MAGI2: variants seen among roughly 807,000 people sequenced by gnomAD.
MAGI2 encodes membrane-associated guanylate kinase, WW and PDZ domain-containing protein 2.
In MAGI2, 35 loss-of-function variants were observed where a neutral mutation model predicts 133.3. The ratio of observed to expected loss-of-function variants is 0.26; its 90% confidence interval spans 0.20 to 0.35. The LOEUF is 0.35. Among genes scored for constraint, MAGI2 ranks in the 10% least tolerant of loss-of-function variants. The pLI, the probability that MAGI2 is intolerant of heterozygous loss-of-function variation, is 1.00. For synonymous variants in MAGI2, 729 were observed against 710.6 expected, an observed-to-expected ratio of 1.03 and a Z score of -0.41; for missense variants, 1,636 against 1,863.4, an observed-to-expected ratio of 0.88 and a Z score of 2.25.
rs563655973 is a variant in MAGI2 at position 78,863,346 on chromosome 7, G to T, written c.418+143744C>A. ...TTCTGGCTGAAAAATTGTGCATCTG[G>T]TGAAAGCCTCAGGCTGTGTCCACTC... On this transcript the variant is annotated intron_variant, in intron 2 of 21. Transcript: ENST00000354212. Among the ~76,000 whole-genome samples, 7 of 152,244 alleles carry T rather than the reference G, an allele frequency of 4.6e-5. No individual in the cohort carries two copies. The East Asian group carries it at 1.4e-3, about 29-fold the overall frequency.
intron 7 of MAGI2, among the ~76,000 whole-genome samples, chr7:78,365,937 CTG>C (rs1420478088): frequency 6.6e-6 from 1 of 152,204 alleles, no homozygotes; most frequent in Non-Finnish European, 1.5e-5. Flanking sequence ...AGAGCCCAAC[CTG>C]TAACTTCTGT....
intron 6 of MAGI2, among the ~76,000 whole-genome samples, chr7:78,387,962 AAAT>A (rs1795549080): frequency 7.9e-6 from 1 of 126,772 alleles, no homozygotes; most frequent in Non-Finnish European, 1.7e-5. Context: ...ATAAATAAAT[AAAT>A]AAATAAATAA....
chr7:79,410,022 T>G (rs1033861965), intron 1 of MAGI2: 2 of 152,030 alleles, frequency 1.3e-5, no homozygotes, highest in Admixed American at 6.6e-5. Context: ...GAAGTACAAA[T>G]AAATAGAAAC....
intron 2 of MAGI2, among the ~76,000 whole-genome samples, chr7:78,658,901 TAAACAAAC>T (rs574736174): frequency 6.6e-6 from 1 of 152,126 alleles, no homozygotes; most frequent in African/African-American, 2.4e-5. Flanking sequence ...GATCGTTCTC[TAAACAAAC>T]AAACAAACAA....
At chr7:78,280,316 G>T (rs1336727936) in intron 9 of MAGI2, among the ~76,000 whole-genome samples, 2 of 152,056 alleles carry the variant, frequency 1.3e-5, no homozygotes, top group Admixed American at 6.6e-5. Flanking sequence ...TGGAAGGGGT[G>T]GTGGTTACTG....
chr7:78,751,252 A>C (rs1372686882), intron 2 of MAGI2, among the ~76,000 whole-genome samples: 2 of 152,372 alleles, frequency 1.3e-5, no homozygotes, highest in East Asian at 3.9e-4. Flanking sequence ...AGCACTGGTT[A>C]GAAATTTTTC....
chr7:79,208,278 T>A (rs1829229517), intron 1 of MAGI2, among the ~76,000 whole-genome samples: 1 of 151,834 alleles, frequency 6.6e-6, no homozygotes, highest in African/African-American at 2.4e-5. Context: ...ATTTTCAAAA[T>A]ATACATCTGA....
At chr7:79,046,037 T>C (rs898664789) in intron 1 of MAGI2, among the ~76,000 whole-genome samples, 1 of 152,198 alleles carries the variant, frequency 6.6e-6, no homozygotes. Flanking sequence ...GATACACATA[T>C]ACACAAGGTC....
At chr7:79,360,933 A>G (rs1585702860) in intron 1 of MAGI2, among the ~76,000 whole-genome samples, 1 of 152,260 alleles carries the variant, frequency 6.6e-6, no homozygotes, top group East Asian at 1.9e-4. Flanking sequence ...GGTAGTGTGG[A>G]TAAACAAAGA....
At chr7:78,087,615 A>G (rs1317945314) in intron 20 of MAGI2, among the ~76,000 whole-genome samples, 1 of 152,144 alleles carries the variant, frequency 6.6e-6, no homozygotes, top group Non-Finnish European at 1.5e-5. Context: ...AATATCATTG[A>G]GAGGTTAAAA....
intron 2 of MAGI2, among the ~76,000 whole-genome samples, chr7:78,645,440 A>T (rs74467760): frequency 0.058 from 8,764 of 152,294 alleles, 308 homozygotes; most frequent in African/African-American, 0.094. Flanking sequence ...AACAATATGT[A>T]AAAAGGACAA....
intron 21 of MAGI2, among the ~76,000 whole-genome samples, chr7:78,046,032 A>G (rs1020367917): frequency 3.9e-5 from 6 of 152,132 alleles, no homozygotes; most frequent in African/African-American, 1.4e-4. Context: ...CAGTTGAGAA[A>G]TTCAGGAGAG....
chr7:79,118,728 A>AT (rs1819621108), intron 1 of MAGI2, among the ~76,000 whole-genome samples: 1 of 152,102 alleles, frequency 6.6e-6, no homozygotes, highest in African/African-American at 2.4e-5. Flanking sequence ...GAAGTGCTAC[A>AT]TTTCATTTTG....
intron 1 of MAGI2, among the ~76,000 whole-genome samples, chr7:79,440,902 A>C (rs570543014): frequency 2.9e-4 from 44 of 152,296 alleles, no homozygotes; most frequent in Non-Finnish European, 5.9e-5. Context: ...TCTCTTCACG[A>C]TCACAACATG....
At chr7:79,185,650 C>T (rs566819919) in intron 1 of MAGI2, among the ~76,000 whole-genome samples, 15 of 151,434 alleles carry the variant, frequency 9.9e-5, no homozygotes, top group African/African-American at 3.4e-4. Context: ...AATGAGTCTG[C>T]CTTTAAAAAT....
chr7:78,357,598 G>C lies in MAGI2; in HGVS notation c.1104-11555C>G, dbSNP rs574359610. Among the ~76,000 whole-genome samples, 7 of 152,312 alleles carry C rather than the reference G, an allele frequency of 4.6e-5. No individual in the cohort carries two copies. In the South Asian group the frequency reaches 1.5e-3, roughly 32 times the overall value. On this transcript the variant is annotated intron_variant, in intron 7 of 21. Coordinates refer to ENST00000354212, the MANE Select transcript of MAGI2 (RefSeq NM_012301.4). ...GCCCTGTCAACCTTCATAGCTGAGT[G>C]TTGTGCTTAGTGGAAAGTTGAATTA...
At chr7:78,633,638 G>A (rs558305165) in intron 2 of MAGI2, among the ~76,000 whole-genome samples, 5 of 151,024 alleles carry the variant, frequency 3.3e-5, no homozygotes, top group Admixed American at 2.6e-4. Flanking sequence ...CCCGGAAGGC[G>A]GAGCTTGCAG....
intron 1 of MAGI2, among the ~76,000 whole-genome samples, chr7:79,383,052 G>A (rs924329084): frequency 6.6e-6 from 1 of 151,500 alleles, no homozygotes; most frequent in Non-Finnish European, 1.5e-5. Context: ...AGAAGATACC[G>A]AAAACATTTG....
intron 3 of MAGI2, among the ~76,000 whole-genome samples, chr7:78,567,326 A>G (rs1360419242): frequency 6.6e-6 from 1 of 152,020 alleles, no homozygotes; most frequent in Non-Finnish European, 1.5e-5. Context: ...TCTGACACAC[A>G]AAAAAAGATG....
Sources: allele counts gnomAD v4.1 joint callset (sites outside exome capture counted in the v4.1 genomes callset), GRCh38; gene constraint gnomAD v4.1.1; transcripts MANE v1.5; gene names NCBI Gene and HGNC (gene_info 2026-07-23, HGNC 2026-07-21).